GSE1: variants seen among roughly 807,000 people sequenced by gnomAD.
GSE1 encodes genetic suppressor element 1.
In GSE1, 32 loss-of-function variants were observed where a neutral mutation model predicts 112.6. The observed-to-expected ratio is 0.28, with a 90% CI of 0.21 to 0.38. The LOEUF is 0.38. Among genes scored for constraint, GSE1 ranks in the 10% least tolerant of loss-of-function variants. The pLI, the probability that GSE1 is intolerant of heterozygous loss-of-function variation, is 1.00. For missense variants in GSE1, 2,348 were observed against 1,699.2 expected (o/e 1.38, Z -6.71); for synonymous variants, 1,115 against 735.6 (o/e 1.52, Z -8.35).
At chr16:85,178,485 C>T (rs2143251843) in intron 1 of GSE1, among the ~76,000 whole-genome samples, 1 of 152,174 alleles carries the variant, frequency 6.6e-6, no homozygotes, top group East Asian at 1.9e-4. Context: ...CAGGGCCCTG[C>T]CCCCAGGCCT....
At chr16:85,207,177 C>T (rs963696716) in intron 1 of GSE1, among the ~76,000 whole-genome samples, 8 of 152,156 alleles carry the variant, frequency 5.3e-5, no homozygotes, top group South Asian at 2.1e-4. Flanking sequence ...AATGTGGAGC[C>T]GAATCTGGGA....
intron 1 of GSE1, among the ~76,000 whole-genome samples, chr16:85,310,521 C>T (rs2045809222): frequency 6.6e-6 from 1 of 151,486 alleles, no homozygotes; most frequent in Admixed American, 6.6e-5. Flanking sequence ...CCCCTCCTCC[C>T]ACCTCCTCCT....
At chr16:85,653,139 C>G (rs1298558934) in intron 3 of GSE1, among the ~76,000 whole-genome samples, 1 of 143,578 alleles carries the variant, frequency 7.0e-6, no homozygotes, top group Non-Finnish European at 1.5e-5. Flanking sequence ...GGCAGCCATC[C>G]AGAGTCCAGA....
intron 2 of GSE1, among the ~76,000 whole-genome samples, chr16:85,436,121 G>A (rs559829626): frequency 6.6e-6 from 1 of 152,258 alleles, no homozygotes; most frequent in South Asian, 2.1e-4. Flanking sequence ...AGGAGTCAGG[G>A]GTCACTGAGT....
intron 2 of GSE1, among the ~76,000 whole-genome samples, chr16:85,469,274 C>A (rs2050214511): frequency 6.6e-6 from 1 of 152,054 alleles, no homozygotes; most frequent in Non-Finnish European, 1.5e-5. Context: ...AGAAGTGGGC[C>A]CGAAATTCAA....
chr16:85,526,549 C>T (rs1046065471), intron 2 of GSE1, among the ~76,000 whole-genome samples: 3 of 152,120 alleles, frequency 2.0e-5, no homozygotes, highest in Non-Finnish European at 2.9e-5. Flanking sequence ...CTGGGTCAGC[C>T]GGGCAGGCCA....
At chr16:85,485,695 A>C (rs2050812653) in intron 2 of GSE1, among the ~76,000 whole-genome samples, 1 of 152,234 alleles carries the variant, frequency 6.6e-6, no homozygotes, top group South Asian at 2.1e-4. Context: ...GTGGGCGCCG[A>C]GGCGGCCGGC....
chr16:85,275,039 G>A (rs1909218956), intron 1 of GSE1, among the ~76,000 whole-genome samples: 1 of 152,240 alleles, frequency 6.6e-6, no homozygotes, highest in Non-Finnish European at 1.5e-5. Context: ...AGAGCCAGGA[G>A]TCTGTCAGGT....
At chr16:85,466,302 C>T (rs1384122891) in intron 2 of GSE1, among the ~76,000 whole-genome samples, 2 of 152,222 alleles carry the variant, frequency 1.3e-5, no homozygotes, top group African/African-American at 4.8e-5. Context: ...AGTTGCCACG[C>T]AGGCGTGGTG....
rs550297730 is a variant in GSE1, at chr16:85,507,289, C to T, written c.2465-126625C>T. Reference sequence around the variant, plus strand: ...AGCTCCGTCCTCGGCATTCTGCTTACGTGGTATCCGGTTTGGAAACTGAGC... The same window carrying T: ...AGCTCCGTCCTCGGCATTCTGCTTATGTGGTATCCGGTTTGGAAACTGAGC... On this transcript the variant is annotated intron_variant, in intron 2 of 2. Coordinates refer to the GSE1 transcript ENST00000637419. Among the ~76,000 whole-genome samples, 11 of 152,312 alleles carry T rather than the reference C, an allele frequency of 7.2e-5. No homozygotes were observed. In the South Asian group the frequency reaches 8.3e-4, roughly 11 times the overall value.
intron 2 of GSE1, among the ~76,000 whole-genome samples, chr16:85,485,153 G>A (rs770105514): frequency 4.6e-5 from 7 of 152,214 alleles, no homozygotes; most frequent in African/African-American, 1.4e-4. Flanking sequence ...TCCGGGCAGC[G>A]TTCACGCCAC....
intron 1 of GSE1, among the ~76,000 whole-genome samples, chr16:85,345,406 A>G (rs967279520): frequency 6.6e-6 from 1 of 152,238 alleles, no homozygotes; most frequent in Non-Finnish European, 1.5e-5. Flanking sequence ...AAGCCAAAAA[A>G]TACCATCTGG....
At chr16:85,486,916 A>G (rs1240137272) in intron 2 of GSE1, among the ~76,000 whole-genome samples, 1 of 152,098 alleles carries the variant, frequency 6.6e-6, no homozygotes, top group East Asian at 1.9e-4. Flanking sequence ...GATTCAGGCG[A>G]AAGTATAGTT....
chr16:85,666,503 ATGTT>A lies in GSE1; in HGVS notation c.3130+166_3130+169del, dbSNP rs988942860. 6.6e-5 allele frequency: 47 copies of A among 707,154 alleles called. No homozygotes were observed. In the East Asian group the frequency reaches 6.7e-4, roughly 10 times the overall value. The allele number at this position is 707,154 out of a possible 1,614,324, so 43.8% of individuals were successfully genotyped here. On this transcript the variant is annotated intron_variant, in intron 13 of 15. Transcript: ENST00000253458. Reference sequence around the variant, plus strand: ...ATAATTTCGTTATTATGCCAAAACCATGTTTGTTTGTTTATCTCCAAGCTCTAAA... The same window carrying A: ...ATAATTTCGTTATTATGCCAAAACCATGTTTGTTTATCTCCAAGCTCTAAA...
intron 1 of GSE1, among the ~76,000 whole-genome samples, chr16:85,630,747 G>A (rs1038556207): frequency 1.3e-5 from 2 of 152,188 alleles, no homozygotes; most frequent in Non-Finnish European, 2.9e-5. Flanking sequence ...ATGAGCAGTG[G>A]GGGCCCAGGA....
chr16:85,384,883 T>A (rs74034713), intron 2 of GSE1, among the ~76,000 whole-genome samples: 27 of 152,324 alleles, frequency 1.8e-4, no homozygotes, highest in African/African-American at 6.3e-4. Flanking sequence ...TTCTGCACCC[T>A]GGGGGCCCTC....
rs1014229987 is a variant in GSE1, at chr16:85,474,291, T to C, written c.2464+116648T>C. Among the ~76,000 whole-genome samples, 4 of 152,168 alleles carry C rather than the reference T, an allele frequency of 2.6e-5. No homozygotes were observed. In the South Asian group the frequency reaches 8.3e-4, roughly 32 times the overall value. Reference sequence around the variant, plus strand: ...TCCACCCCGCCGGCCCGTGCTCCAATGGGCTTCTGATTGTCTTGTCTTTCT... The same window carrying C: ...TCCACCCCGCCGGCCCGTGCTCCAACGGGCTTCTGATTGTCTTGTCTTTCT... On this transcript the variant is annotated intron_variant, in intron 2 of 2. Transcript: ENST00000637419.
At chr16:85,210,522 C>A (rs2075207014) in intron 1 of GSE1, among the ~76,000 whole-genome samples, 2 of 152,014 alleles carry the variant, frequency 1.3e-5, no homozygotes. Context: ...CAGGGAGGTC[C>A]AGGCTGCAGT....
chr16:85,220,712 C>T (rs1184578004), intron 1 of GSE1, among the ~76,000 whole-genome samples: 1 of 152,182 alleles, frequency 6.6e-6, no homozygotes, highest in African/African-American at 2.4e-5. Flanking sequence ...CACTCTCGTG[C>T]TCTCTCGCGC....
Sources: gnomAD v4.1 joint callset for allele counts (sites outside exome capture counted in the v4.1 genomes callset) on GRCh38, gnomAD v4.1.1 for gene constraint, MANE v1.5 for transcripts, NCBI Gene and HGNC (gene_info 2026-07-23, HGNC 2026-07-21) for gene names.